Variants in ZNF277 observed in about 807,000 individuals in gnomAD.
The protein encoded by ZNF277 is zinc finger protein 277.
ZNF277 carries 55 observed loss-of-function variants against 60.7 expected under a neutral mutation model. That is an observed-to-expected ratio of 0.91 (90% CI 0.73 to 1.13). The LOEUF (loss-of-function observed/expected upper bound fraction) is 1.13. Among genes scored for constraint, ZNF277 ranks in the 50% most tolerant of loss-of-function variants. The pLI is 0.00. For missense variants in ZNF277, 510 were observed against 523.0 expected (o/e 0.98, Z 0.24); for synonymous variants, 178 against 179.3 (o/e 0.99, Z 0.06).
intron 4 of ZNF277, among the ~76,000 whole-genome samples, chr7:112,296,855 A>C (rs1169373351): frequency 6.7e-6 from 1 of 148,456 alleles, no homozygotes; most frequent in African/African-American, 2.5e-5. Flanking sequence ...ACAAGCATGA[A>C]AATTTTTATT....
intron 1 of ZNF277, among the ~76,000 whole-genome samples, chr7:112,230,955 C>G (rs1031470194): frequency 6.6e-6 from 1 of 152,086 alleles, no homozygotes; most frequent in Admixed American, 6.5e-5. Context: ...TGGCTGACAC[C>G]TGTAATCCCA....
intron 8 of ZNF277, among the ~76,000 whole-genome samples, chr7:112,336,451 T>G (rs1003655614): frequency 6.6e-6 from 1 of 152,212 alleles, no homozygotes; most frequent in Non-Finnish European, 1.5e-5. Context: ...CTTTGCCTGC[T>G]CAGTTAGTGC....
intron 1 of ZNF277, among the ~76,000 whole-genome samples, chr7:112,238,075 G>A (rs1313269524): frequency 6.6e-6 from 1 of 152,144 alleles, no homozygotes; most frequent in Non-Finnish European, 1.5e-5. Flanking sequence ...ATCCACACAA[G>A]AAAGCACCTT....
chr7:112,317,845 A>G (rs1282709693), intron 4 of ZNF277, among the ~76,000 whole-genome samples: 1 of 152,142 alleles, frequency 6.6e-6, no homozygotes, highest in Non-Finnish European at 1.5e-5. Flanking sequence ...TCAAACTGAG[A>G]ATTAGGGAAA....
chr7:112,329,185 C>A (rs1440218525), intron 6 of ZNF277, among the ~76,000 whole-genome samples: 1 of 152,040 alleles, frequency 6.6e-6, no homozygotes, highest in Non-Finnish European at 1.5e-5. Context: ...AAAACAAATT[C>A]AAAATTGAAA....
intron 5 of ZNF277, among the ~76,000 whole-genome samples, chr7:112,326,861 T>C (rs1297410507): frequency 6.6e-6 from 1 of 152,238 alleles, no homozygotes; most frequent in Non-Finnish European, 1.5e-5. Context: ...CTTTATTTTA[T>C]GAACTAAAGT....
chr7:112,209,262 G>A (rs1296511938), intron 1 of ZNF277, among the ~76,000 whole-genome samples: 1 of 152,124 alleles, frequency 6.6e-6, no homozygotes, highest in Non-Finnish European at 1.5e-5. Context: ...TATTTTGGGA[G>A]AAAATTGCTG....
At chr7:112,330,710 ACTGT>A (rs1793211060) in intron 7 of ZNF277, among the ~76,000 whole-genome samples, 2 of 151,952 alleles carry the variant, frequency 1.3e-5, no homozygotes, top group South Asian at 4.1e-4. Context: ...AATTACAGCT[ACTGT>A]GCTGCACAGC....
At chr7:112,290,597 C>CA (rs545579168) in intron 2 of ZNF277, among the ~76,000 whole-genome samples, 414 of 152,270 alleles carry the variant, frequency 2.7e-3, no homozygotes, top group Non-Finnish European at 4.9e-3. Context: ...TCCTTGTCAA[C>CA]TGTCCTTCTA....
chr7:112,232,857 C>G (rs1822377345), intron 1 of ZNF277, among the ~76,000 whole-genome samples: 1 of 152,272 alleles, frequency 6.6e-6, no homozygotes, highest in Admixed American at 6.5e-5. Flanking sequence ...GATCTACTCT[C>G]ATTATCTCTG....
rs748838565 is a variant in ZNF277, at chr7:112,341,056, G to A, written c.1184+10G>A. ...CGTGGGATCAACTGGAGTACGTACT[G>A]CAAAACCAAATGTGCACTTCTTACT... On this transcript the variant is annotated intron_variant, in intron 11 of 11. Coordinates refer to ENST00000361822, the MANE Select transcript of ZNF277 (RefSeq NM_021994.3). 6.4e-6 allele frequency: 10 copies of A among 1,566,264 alleles called. No homozygotes were observed. The African/African-American group carries it at 1.1e-4, about 17-fold the overall frequency.
intron 1 of ZNF277, among the ~76,000 whole-genome samples, chr7:112,215,208 G>T (rs1821848947): frequency 6.6e-6 from 1 of 152,070 alleles, no homozygotes; most frequent in Admixed American, 6.5e-5. Flanking sequence ...TACTATTATG[G>T]CTGCTGCTGC....
chr7:112,216,594 TCTC>T (rs1311305209), intron 1 of ZNF277, among the ~76,000 whole-genome samples: 1 of 152,136 alleles, frequency 6.6e-6, no homozygotes, highest in African/African-American at 2.4e-5. Context: ...TAATCCCACT[TCTC>T]CTTCCGACTG....
intron 5 of ZNF277, 148 bp downstream of exon 5, chr7:112,318,421 C>T (rs41281057): frequency 0.057 from 35,630 of 622,614 alleles, 1,458 homozygotes; most frequent in Non-Finnish European, 0.071. Flanking sequence ...ATATACCCAA[C>T]GTCCAAGATG....
chr7:112,224,488 A>G (rs1213530580), intron 1 of ZNF277, among the ~76,000 whole-genome samples: 3 of 152,208 alleles, frequency 2.0e-5, no homozygotes, highest in Non-Finnish European at 4.4e-5. Flanking sequence ...TTTATAGTCA[A>G]GAAATAGGTT....
intron 1 of ZNF277, among the ~76,000 whole-genome samples, chr7:112,241,985 AAAAT>A (rs1790964495): frequency 6.6e-6 from 1 of 152,124 alleles, no homozygotes; most frequent in Non-Finnish European, 1.5e-5. Flanking sequence ...GTACATTTAA[AAAAT>A]AAATAGTATA....
intron 1 of ZNF277, among the ~76,000 whole-genome samples, chr7:112,274,674 G>A (rs1026588570): frequency 1.4e-4 from 22 of 152,094 alleles, no homozygotes; most frequent in Admixed American, 5.9e-4. Context: ...TATAATAGGG[G>A]GCATCAGATA....
At chr7:112,302,419 T>G (rs1236514153) in intron 4 of ZNF277, among the ~76,000 whole-genome samples, 1 of 152,106 alleles carries the variant, frequency 6.6e-6, no homozygotes, top group African/African-American at 2.4e-5. Context: ...CAATTTATAT[T>G]TATACTTTTC....
intron 1 of ZNF277, among the ~76,000 whole-genome samples, chr7:112,248,349 T>A (rs1191963117): frequency 6.6e-6 from 1 of 151,754 alleles, no homozygotes; most frequent in African/African-American, 2.4e-5. Context: ...TGGTTTTATT[T>A]TTTTTTTTTC....
Sources: gnomAD v4.1 joint callset for allele counts (sites outside exome capture counted in the v4.1 genomes callset) on GRCh38, gnomAD v4.1.1 for gene constraint, MANE v1.5 for transcripts, NCBI Gene and HGNC (gene_info 2026-07-23, HGNC 2026-07-21) for gene names.